TBC1D19: variants seen among roughly 807,000 people sequenced by gnomAD.
The protein encoded by TBC1D19 is TBC1 domain family member 19, also known as TBC1 domain family, member 19.
TBC1D19 carries 60 observed loss-of-function variants against 89.0 expected under a neutral mutation model. That is an observed-to-expected ratio of 0.67 (90% CI 0.55 to 0.84). The LOEUF (loss-of-function observed/expected upper bound fraction) is 0.84, where lower values mean the gene tolerates loss of function less well. Among genes scored for constraint, TBC1D19 ranks in the 40% least tolerant of loss-of-function variants. The pLI is 0.00. For synonymous variants in TBC1D19, 189 were observed against 199.7 expected (o/e 0.95, Z 0.45); for missense variants, 500 against 610.8 (o/e 0.82, Z 1.91).
intron 12 of TBC1D19, 110 bp from the exon 13 acceptor site, chr4:26,688,235 C>A (rs939080311): frequency 1.5e-6 from 2 of 1,330,336 alleles, no homozygotes; most frequent in Non-Finnish European, 1.9e-6. Flanking sequence ...AGTTTATAAT[C>A]ATAAAGTAAT....
intron 7 of TBC1D19, among the ~76,000 whole-genome samples, chr4:26,653,004 T>C (rs1422436038): frequency 6.6e-6 from 1 of 152,232 alleles, no homozygotes; most frequent in African/African-American, 2.4e-5. Context: ...TGTGGGCATT[T>C]AGTTCCATAA....
the TBC1D19 span, among the ~76,000 whole-genome samples, chr4:26,774,608 T>C: frequency 1.2e-4 from 18 of 152,216 alleles, no homozygotes; most frequent in African/African-American, 3.9e-4. Context: ...ATTGTTATAC[T>C]ATATAGAAAT....
chr4:26,660,150 C>G (rs1255228632), intron 8 of TBC1D19, among the ~76,000 whole-genome samples: 2 of 152,136 alleles, frequency 1.3e-5, no homozygotes, highest in Non-Finnish European at 2.9e-5. Context: ...TGGCTTTGCT[C>G]TGGAGACCGT....
chr4:26,695,477 G>A (rs190273739), intron 13 of TBC1D19, among the ~76,000 whole-genome samples: 4 of 152,246 alleles, frequency 2.6e-5, no homozygotes, highest in African/African-American at 9.6e-5. Flanking sequence ...TAGCAAGGCA[G>A]GCCAACATTC....
chr4:26,824,447 T>G, the TBC1D19 span, among the ~76,000 whole-genome samples: 1 of 152,238 alleles, frequency 6.6e-6, no homozygotes, highest in Non-Finnish European at 1.5e-5. Context: ...ATAAAACTAA[T>G]GAATGCTCAA....
At chr4:26,677,515 G>A (rs971887421) in intron 11 of TBC1D19, among the ~76,000 whole-genome samples, 2 of 152,014 alleles carry the variant, frequency 1.3e-5, no homozygotes, top group Admixed American at 6.6e-5. Flanking sequence ...TAGAGACAGG[G>A]TTACACCATG....
At chr4:26,621,191 CAAAAT>C (rs1022165744) in intron 4 of TBC1D19, among the ~76,000 whole-genome samples, 3 of 152,120 alleles carry the variant, frequency 2.0e-5, no homozygotes, top group African/African-American at 7.2e-5. Flanking sequence ...AATAAAATGA[CAAAAT>C]AAAATAATTT....
intron 13 of TBC1D19, among the ~76,000 whole-genome samples, chr4:26,701,752 A>C (rs13136817): frequency 0.46 from 69,277 of 151,660 alleles, 17,576 homozygotes; most frequent in Admixed American, 0.6. Context: ...CATAAAAAAA[A>C]CCCACATAAA....
At chr4:26,777,079 G>C in the TBC1D19 span, among the ~76,000 whole-genome samples, 1 of 151,190 alleles carries the variant, frequency 6.6e-6, no homozygotes. Context: ...TACAGGAAAC[G>C]CTGGGACAGG....
the TBC1D19 span, among the ~76,000 whole-genome samples, chr4:26,807,610 C>G: frequency 6.6e-6 from 1 of 152,206 alleles, no homozygotes; most frequent in Admixed American, 6.5e-5. Context: ...CAGTGTGCCA[C>G]TTGCTTGGCG....
At chr4:26,773,312 GTTTA>G in the TBC1D19 span, among the ~76,000 whole-genome samples, 91 of 152,060 alleles carry the variant, frequency 6.0e-4, no homozygotes, top group Non-Finnish European at 1.1e-3. Context: ...TAATGGGTTT[GTTTA>G]TTTGTTTTCC....
chr4:26,598,660 C>A (rs1191647067), intron 1 of TBC1D19, among the ~76,000 whole-genome samples: 1 of 152,210 alleles, frequency 6.6e-6, no homozygotes, highest in Non-Finnish European at 1.5e-5. Context: ...GCCCAAAGTG[C>A]TGGGATTACA....
intron 15 of TBC1D19, among the ~76,000 whole-genome samples, chr4:26,720,504 A>G (rs1162945173): frequency 6.6e-6 from 1 of 152,112 alleles, no homozygotes; most frequent in Non-Finnish European, 1.5e-5. Flanking sequence ...TGTTCTCATA[A>G]TTTGACCAAT....
At chr4:26,725,362 C>T (rs1717243125) in intron 15 of TBC1D19, among the ~76,000 whole-genome samples, 1 of 152,136 alleles carries the variant, frequency 6.6e-6, no homozygotes, top group Admixed American at 6.5e-5. Context: ...CTACTCCACT[C>T]TTCTCAGTGA....
At chr4:26,634,816 G>A (rs1339595359) in intron 4 of TBC1D19, among the ~76,000 whole-genome samples, 1 of 151,804 alleles carries the variant, frequency 6.6e-6, no homozygotes, top group South Asian at 2.1e-4. Flanking sequence ...TTGTCTGTGA[G>A]GTTTTTTGAA....
intron 3 of TBC1D19, among the ~76,000 whole-genome samples, chr4:26,617,238 C>A (rs1254855998): frequency 6.6e-6 from 1 of 152,204 alleles, no homozygotes; most frequent in African/African-American, 2.4e-5. Flanking sequence ...TGGCACCAAT[C>A]CCACCCACGT....
At chr4:26,616,476 G>A (rs1345628715) in intron 3 of TBC1D19, among the ~76,000 whole-genome samples, 1 of 152,126 alleles carries the variant, frequency 6.6e-6, no homozygotes, top group Non-Finnish European at 1.5e-5. Flanking sequence ...GAATAAAGAA[G>A]ACTTAGCGTA....
At chr4:26,738,643 C>G (rs952814270) in intron 16 of TBC1D19, among the ~76,000 whole-genome samples, 2 of 151,472 alleles carry the variant, frequency 1.3e-5, no homozygotes, top group Non-Finnish European at 2.9e-5. Context: ...ATACATTTTT[C>G]TATATATATA....
chr4:26,640,411 A>G (rs1278702269), intron 7 of TBC1D19, among the ~76,000 whole-genome samples: 1 of 152,188 alleles, frequency 6.6e-6, no homozygotes, highest in Non-Finnish European at 1.5e-5. Context: ...AATTTTGATT[A>G]AAAAATAGTA....
Sources: gnomAD v4.1 joint callset for allele counts (sites outside exome capture counted in the v4.1 genomes callset) on GRCh38, gnomAD v4.1.1 for gene constraint, MANE v1.5 for transcripts, NCBI Gene and HGNC (gene_info 2026-07-23, HGNC 2026-07-21) for gene names.